DNER: variants seen among roughly 807,000 people sequenced by gnomAD.
The protein encoded by DNER is delta/notch like EGF repeat containing, also known as delta and Notch-like epidermal growth factor-related receptor.
DNER carries 33 observed loss-of-function variants against 78.2 expected under a neutral mutation model. The ratio of observed to expected loss-of-function variants is 0.42; its 90% confidence interval spans 0.32 to 0.56. The LOEUF (loss-of-function observed/expected upper bound fraction) is 0.56. DNER is among the 20% of genes least tolerant of loss of function. DNER has a pLI of 0.11. For synonymous variants in DNER, 417 were observed against 384.8 expected, an observed-to-expected ratio of 1.08 and a Z score of -0.98; for missense variants, 918 against 975.3, an observed-to-expected ratio of 0.94 and a Z score of 0.78.
At chr2:229,681,933 G>A (rs186795708) in intron 1 of DNER, among the ~76,000 whole-genome samples, 192 of 151,850 alleles carry the variant, frequency 1.3e-3, no homozygotes, top group African/African-American at 4.3e-3. Context: ...TTTAGTAAAT[G>A]TCATCTCAAG....
At chr2:229,583,881 G>A (rs1392998603) in intron 4 of DNER, among the ~76,000 whole-genome samples, 1 of 152,082 alleles carries the variant, frequency 6.6e-6, no homozygotes, top group Non-Finnish European at 1.5e-5. Context: ...AAATGCACTC[G>A]TCTCTTTGTC....
chr2:229,395,942 T>C (rs56681781), intron 10 of DNER, among the ~76,000 whole-genome samples: 5,078 of 152,020 alleles, frequency 0.033, 135 homozygotes, highest in African/African-American at 0.073. Flanking sequence ...AGATAAGAAA[T>C]AAACTAAGTG....
chr2:229,411,904 C>G (rs1311639926), intron 9 of DNER, among the ~76,000 whole-genome samples: 1 of 152,004 alleles, frequency 6.6e-6, no homozygotes, highest in Non-Finnish European at 1.5e-5. Flanking sequence ...AGAATGGAAG[C>G]AACACAGATT....
rs1184050138 is a variant in DNER at position 229,684,169 on chromosome 2, A to AGAGT, written c.276+29978_276+29979insACTC. On this transcript the variant is annotated intron_variant, in intron 1 of 12. Coordinates refer to ENST00000341772, the MANE Select transcript of DNER (RefSeq NM_139072.4). ...GTGAGAGAGAGAGAGAGAGAGAGAG[A>AGAGT]GTGTGTGTGTGTGTGTGTGTGTGTG... is the stretch of plus-strand genomic sequence containing the variant. Among the ~76,000 whole-genome samples, 681 of 94,606 alleles carry AGAGT rather than the reference A, an allele frequency of 7.2e-3. 7 individuals are homozygous for AGAGT. The highest frequency in any genetic ancestry group is 0.032 in the South Asian group (74 of 2,292). The allele number at this position is 94,606 out of a possible 152,430, so 62.1% of individuals were successfully genotyped here. A position where few individuals can be genotyped will look rare whatever the true frequency, so the allele number is the denominator to read the frequency against.
chr2:229,525,994 G>T (rs1696201062), intron 5 of DNER, among the ~76,000 whole-genome samples: 1 of 152,104 alleles, frequency 6.6e-6, no homozygotes, highest in South Asian at 2.1e-4. Flanking sequence ...AATGCTTGTT[G>T]ATTTCATTAT....
chr2:229,436,494 A>T (rs1027250579), intron 8 of DNER, among the ~76,000 whole-genome samples: 11 of 152,192 alleles, frequency 7.2e-5, no homozygotes, highest in African/African-American at 2.4e-4. Flanking sequence ...CAAGATAGTC[A>T]TCAGATTCTC....
At chr2:229,673,397 C>T (rs992674632) in intron 1 of DNER, among the ~76,000 whole-genome samples, 4 of 152,168 alleles carry the variant, frequency 2.6e-5, no homozygotes, top group Admixed American at 6.5e-5. Flanking sequence ...CAACGTGGCC[C>T]CTTCCACAGG....
intron 7 of DNER, among the ~76,000 whole-genome samples, chr2:229,470,482 G>A (rs1047318574): frequency 4.0e-5 from 6 of 149,116 alleles, no homozygotes; most frequent in African/African-American, 1.5e-4. Context: ...CAGAGAAACT[G>A]CTATGCAAAA....
At chr2:229,688,582 G>C (rs1489314303) in intron 1 of DNER, among the ~76,000 whole-genome samples, 1 of 152,194 alleles carries the variant, frequency 6.6e-6, no homozygotes, top group Non-Finnish European at 1.5e-5. Flanking sequence ...CTAGGCAGCA[G>C]GGTGAACCCT....
intron 7 of DNER, among the ~76,000 whole-genome samples, chr2:229,455,077 G>C (rs1272462824): frequency 6.6e-6 from 1 of 152,100 alleles, no homozygotes; most frequent in Non-Finnish European, 1.5e-5. Flanking sequence ...TCACTTTTGA[G>C]ATGCTATTGC....
At chr2:229,691,160 T>G (rs1480688492) in intron 1 of DNER, among the ~76,000 whole-genome samples, 1 of 152,146 alleles carries the variant, frequency 6.6e-6, no homozygotes, top group Non-Finnish European at 1.5e-5. Flanking sequence ...TCAAGGAGTA[T>G]CTGAATTTTC....
chr2:229,515,293 A>T (rs1415458748), intron 5 of DNER, among the ~76,000 whole-genome samples: 1 of 152,242 alleles, frequency 6.6e-6, no homozygotes, highest in Non-Finnish European at 1.5e-5. Context: ...GCTCAAATGC[A>T]TAACAGAGTA....
chr2:229,549,060 A>G (rs1244377748), intron 4 of DNER, among the ~76,000 whole-genome samples: 4 of 152,176 alleles, frequency 2.6e-5, no homozygotes, highest in African/African-American at 7.2e-5. Flanking sequence ...ACTTATATAA[A>G]TATTGAAATC....
intron 1 of DNER, among the ~76,000 whole-genome samples, chr2:229,593,689 T>C (rs1486272538): frequency 1.3e-5 from 2 of 152,224 alleles, no homozygotes; most frequent in African/African-American, 4.8e-5. Flanking sequence ...AGTCACAAAG[T>C]TGTTATCTTG....
Position 229,591,727 on chromosome 2 carries a change from T to C in DNER, c.438A>G (p.Glu146=). 6.2e-7 allele frequency: 1 copy of C among 1,614,098 alleles called. No homozygotes were observed. The highest frequency in any genetic ancestry group is 1.1e-5 in the South Asian group (1 of 91,062). Residue 146 remains glutamate (E), a synonymous_variant, in exon 2 of 13, where the codon GAA becomes GAG. Transcript: ENST00000341772. The surrounding 1 kb of genome is among the most constrained non-coding windows in gnomAD (Gnocchi z 4.6). Reference sequence around the variant, plus strand: ...GCTGAAGCTGTCGGGGTGCCATGGATTCGGTCCAGCCAGTGGCTGGGAGAC... The same window carrying C: ...GCTGAAGCTGTCGGGGTGCCATGGACTCGGTCCAGCCAGTGGCTGGGAGAC... ...LPSLPATGWT[E]SMAPRQLQPV...
At chr2:229,615,863 A>G (rs1194605729) in intron 1 of DNER, among the ~76,000 whole-genome samples, 1 of 152,182 alleles carries the variant, frequency 6.6e-6, no homozygotes, top group Non-Finnish European at 1.5e-5. Flanking sequence ...GCTAGGATCC[A>G]GCTAAGAGTC....
intron 1 of DNER, among the ~76,000 whole-genome samples, chr2:229,641,978 G>C (rs1485902876): frequency 1.3e-5 from 2 of 152,162 alleles, no homozygotes; most frequent in African/African-American, 2.4e-5. Flanking sequence ...TGGAAAGAGA[G>C]AGAAAGTAAT....
chr2:229,577,040 G>C (rs1697315137), intron 4 of DNER, among the ~76,000 whole-genome samples: 1 of 152,196 alleles, frequency 6.6e-6, no homozygotes, highest in African/African-American at 2.4e-5. Flanking sequence ...TCAGGGTAAG[G>C]GTCGTGAAGC....
At chr2:229,512,438 C>T (rs1695883617) in intron 6 of DNER, among the ~76,000 whole-genome samples, 1 of 151,256 alleles carries the variant, frequency 6.6e-6, no homozygotes, top group African/African-American at 2.4e-5. Flanking sequence ...GGACAGGATA[C>T]TATCACTCTA....
Sources: allele counts gnomAD v4.1 joint callset (sites outside exome capture counted in the v4.1 genomes callset), GRCh38; gene constraint gnomAD v4.1.1; non-coding constraint Gnocchi (gnomAD v3.1); transcripts MANE v1.5; gene names NCBI Gene and HGNC (gene_info 2026-07-23, HGNC 2026-07-21).